MORC1: variants seen among roughly 807,000 people sequenced by gnomAD.
MORC1 encodes MORC family CW-type zinc finger protein 1.
In MORC1, 59 loss-of-function variants were observed where a neutral mutation model predicts 134.9. The ratio of observed to expected loss-of-function variants is 0.44; its 90% CI spans 0.35 to 0.54. The LOEUF (loss-of-function observed/expected upper bound fraction) is 0.54. Ranked by LOEUF, MORC1 falls within the 20% of genes least tolerant of loss-of-function variation. The probability of loss-of-function intolerance (pLI) is 0.00; values close to 1 mark genes in which losing one functional copy is unlikely to be tolerated. For missense variants in MORC1, 947 were observed against 1,134.5 expected, an observed-to-expected ratio of 0.83 and a Z score of 2.37; for synonymous variants, 395 against 391.7, an observed-to-expected ratio of 1.01 and a Z score of -0.10.
chr3:109,073,748 T>A (rs1436711160), intron 8 of MORC1, among the ~76,000 whole-genome samples: 5 of 152,198 alleles, frequency 3.3e-5, no homozygotes, highest in African/African-American at 9.6e-5. Flanking sequence ...ACAAAATCTC[T>A]GAAGACTTTT....
At chr3:109,053,063 G>A (rs1949866898) in intron 14 of MORC1, among the ~76,000 whole-genome samples, 1 of 147,254 alleles carries the variant, frequency 6.8e-6, no homozygotes, top group African/African-American at 2.5e-5. Flanking sequence ...AAACCACAAT[G>A]AAATACCATC....
At chr3:108,987,988 T>C (rs1947941204) in intron 21 of MORC1, among the ~76,000 whole-genome samples, 1 of 152,104 alleles carries the variant, frequency 6.6e-6, no homozygotes, top group East Asian at 1.9e-4. Flanking sequence ...TCCCCATCTG[T>C]TACTTCATGT....
intron 24 of MORC1, among the ~76,000 whole-genome samples, chr3:108,974,049 C>G (rs1275109975): frequency 6.6e-6 from 1 of 152,142 alleles, no homozygotes; most frequent in Non-Finnish European, 1.5e-5. Context: ...CCCCACCCCC[C>G]CACCAGGCCC....
chr3:108,979,146 A>G (rs1947642493), intron 24 of MORC1, among the ~76,000 whole-genome samples: 1 of 152,164 alleles, frequency 6.6e-6, no homozygotes, highest in African/African-American at 2.4e-5. Context: ...ATTTCCCTCA[A>G]TAAGTTCAGT....
At chr3:109,060,266 A>G (rs888009773) in intron 11 of MORC1, among the ~76,000 whole-genome samples, 1 of 151,836 alleles carries the variant, frequency 6.6e-6, no homozygotes, top group African/African-American at 2.4e-5. Context: ...TTGCAGGAAA[A>G]AAAAAAAAGA....
intron 17 of MORC1, among the ~76,000 whole-genome samples, chr3:109,010,265 A>G (rs1948652666): frequency 6.6e-6 from 1 of 152,140 alleles, no homozygotes; most frequent in Non-Finnish European, 1.5e-5. Flanking sequence ...TATCCCCACT[A>G]TGCTTACCAA....
Position 108,993,493 on chromosome 3 carries a change from C to T in MORC1, c.2188-6544G>A, listed in dbSNP as rs77627237. ...AAGCCCTTAGGGCAGCTCTGGTTTG[C>T]ATTTTGTAAGAGGGCTTCCCGTGAA... On this transcript the variant is annotated intron_variant, in intron 21 of 27. Coordinates refer to ENST00000232603, the MANE Select transcript of MORC1 (RefSeq NM_014429.4). Among the ~76,000 whole-genome samples the T allele has an allele frequency of 1.6e-3, 240 of 152,242 alleles. 1 individual carries two copies. Among genetic ancestry groups the T allele is most frequent in the African/African-American group, 5.5e-3 (227 of 41,558 alleles).
intron 12 of MORC1, 150 bp from the exon 13 acceptor site, chr3:109,057,636 G>GTA (rs1370254495): frequency 1.9e-6 from 1 of 532,390 alleles, no homozygotes; most frequent in African/African-American, 1.9e-5. Context: ...AGTTGTCTCT[G>GTA]TATAGCCAAG....
intron 26 of MORC1, 115 bp downstream of exon 26, chr3:108,969,554 A>G: frequency 9.7e-7 from 1 of 1,030,630 alleles, no homozygotes; most frequent in South Asian, 1.4e-5. Flanking sequence ...AAGTCTCGAT[A>G]AGTGAATGCA....
chr3:108,990,875 G>A (rs1170509463), intron 21 of MORC1, among the ~76,000 whole-genome samples: 1 of 149,750 alleles, frequency 6.7e-6, no homozygotes, highest in Non-Finnish European at 1.5e-5. Context: ...CAAAGGAAAA[G>A]GCTTAGGTTT....
intron 14 of MORC1, among the ~76,000 whole-genome samples, chr3:109,050,235 G>C (rs1161904114): frequency 6.6e-6 from 1 of 152,156 alleles, no homozygotes; most frequent in Non-Finnish European, 1.5e-5. Context: ...AATCGTGTTA[G>C]CCTGTGTCTT....
chr3:109,054,882 T>C lies in MORC1; in HGVS notation c.1176A>G (p.Leu392=). 1 of 1,594,434 alleles carries C rather than the reference T, an allele frequency of 6.3e-7. No homozygotes were observed. The highest frequency in any genetic ancestry group is 8.5e-7 in the Non-Finnish European group (1 of 1,175,232). Residue 392 remains leucine, a splice_region_variant and synonymous_variant, in exon 14 of 28, where the codon TTA becomes TTG. Coordinates refer to ENST00000232603, the MANE Select transcript of MORC1 (RefSeq NM_014429.4). ...KVGSQLKLKS[L]LGAGVVGIVN... ...CAATTCCAACCACGCCTGCGCCAAG[T>C]CTGAGAAAATATATGCATATTTAAA...
intron 3 of MORC1, among the ~76,000 whole-genome samples, chr3:109,108,483 T>C (rs149297579): frequency 2.3e-4 from 35 of 152,306 alleles, no homozygotes; most frequent in African/African-American, 8.2e-4. Context: ...TGCCCTATTA[T>C]AATTCTCATG....
At chr3:109,095,452 G>A (rs947082823) in intron 6 of MORC1, among the ~76,000 whole-genome samples, 1 of 152,192 alleles carries the variant, frequency 6.6e-6, no homozygotes, top group Non-Finnish European at 1.5e-5. Flanking sequence ...TTCCTACACT[G>A]TAATTCTCAG....
chr3:109,103,138 C>T (rs1450774333), intron 4 of MORC1, among the ~76,000 whole-genome samples: 1 of 152,136 alleles, frequency 6.6e-6, no homozygotes. Context: ...TGAACTCTCA[C>T]CATTTTTTAA....
At position 109,039,947 on chromosome 3, in the gene MORC1, T is replaced by C. The variant is rs570041950; in HGVS notation, c.1331-4479A>G. On this transcript the variant is annotated intron_variant, in intron 14 of 27. Transcript: ENST00000232603. Reference sequence around the variant, plus strand: ...CTTATGGAAACCAGACATTGAAGACTAGTGCATCCAAAAGCTGCTACATGT... The same window carrying C: ...CTTATGGAAACCAGACATTGAAGACCAGTGCATCCAAAAGCTGCTACATGT... Among the ~76,000 whole-genome samples the C allele has an allele frequency of 2.0e-5, 3 of 152,174 alleles. No homozygotes were observed. In the South Asian group the frequency reaches 6.2e-4, roughly 32 times the overall value.
chr3:109,070,524 T>A (rs1275153508), intron 8 of MORC1, among the ~76,000 whole-genome samples: 1 of 152,196 alleles, frequency 6.6e-6, no homozygotes, highest in East Asian at 1.9e-4. Flanking sequence ...GAAATAAAGA[T>A]CCACAACAAG....
At position 108,979,568 on chromosome 3, in the gene MORC1, A is replaced by C; in HGVS notation, c.2424T>G (p.Ser808=). The C allele has an allele frequency of 6.2e-7, 1 of 1,614,216 alleles. No individual in the cohort carries two copies. Among genetic ancestry groups the C allele is most frequent in the Non-Finnish European group, 8.5e-7 (1 of 1,180,018 alleles). ...GSCKVASSPA[S]SQSTPVKETV... ...TTTCCTTGACAGGTGTGCTTTGAGA[A>C]GACGCTGGCGAAGAAGCAACTTTAC... Residue 808 remains serine, a synonymous_variant, in exon 24 of 28, where the codon TCT becomes TCG. Coordinates refer to ENST00000232603, the MANE Select transcript of MORC1 (RefSeq NM_014429.4).
chr3:108,987,968 C>A (rs180837617), intron 21 of MORC1, among the ~76,000 whole-genome samples: 3 of 152,038 alleles, frequency 2.0e-5, no homozygotes, highest in Non-Finnish European at 4.4e-5. Flanking sequence ...CTGATACGCA[C>A]GCAACCATGT....
Sources: gnomAD v4.1 joint callset for allele counts (sites outside exome capture counted in the v4.1 genomes callset) on GRCh38, gnomAD v4.1.1 for gene constraint, MANE v1.5 for transcripts, NCBI Gene and HGNC (gene_info 2026-07-23, HGNC 2026-07-21) for gene names.